PPP1R9A: variants seen among roughly 807,000 people sequenced by gnomAD.
The protein encoded by PPP1R9A is neurabin-1.
In PPP1R9A, 59 loss-of-function variants were observed where a neutral mutation model predicts 141.9. The observed-to-expected ratio is 0.42, with a 90% CI of 0.34 to 0.52. PPP1R9A has a LOEUF of 0.52. Among genes scored for constraint, PPP1R9A ranks in the 20% least tolerant of loss-of-function variants. PPP1R9A has a pLI of 0.10. For synonymous variants in PPP1R9A, 500 were observed against 569.7 expected (o/e 0.88, Z 1.74); for missense variants, 1,444 against 1,611.9 (o/e 0.90, Z 1.78).
At chr7:95,031,973 T>C (rs191289067) in intron 2 of PPP1R9A, among the ~76,000 whole-genome samples, 2 of 152,350 alleles carry the variant, frequency 1.3e-5, no homozygotes, top group Admixed American at 1.3e-4. Flanking sequence ...TTATTTCTAC[T>C]GTACCCTATC....
chr7:94,910,384 G>T lies in PPP1R9A; in HGVS notation c.271G>T (p.Gly91Cys), dbSNP rs748369962. The T allele has an allele frequency of 6.2e-7, 1 of 1,614,102 alleles. No homozygotes were observed. The highest frequency in any genetic ancestry group is 1.7e-5 in the Admixed American group (1 of 60,008). Residue 91 changes from glycine (G) to cysteine (C), a missense_variant, in exon 2 of 20, where the codon GGT becomes TGT. Around this residue, in one of 5 missense-constraint regions of PPP1R9A, gnomAD observed 490 missense variants for 521.1 expected, o/e 0.94. Transcript: ENST00000433360. The surrounding 1 kb of genome is among the most constrained non-coding windows in gnomAD (Gnocchi z 4.5). ...AGTCATTGCCAAAACAAGGGGGAAA[G>T]GTGGACATTCATCTCCTCAGAGAAG... is the stretch of plus-strand genomic sequence containing the variant. ...AAVIAKTRGK[G>C]GHSSPQRRMK...
chr7:95,018,107 T>C (rs985987932), intron 2 of PPP1R9A: 11 of 168,026 alleles, frequency 6.5e-5, no homozygotes, highest in African/African-American at 2.6e-4. Context: ...CATATTGGAA[T>C]GTGCAAACTT....
At chr7:95,063,422 C>T (rs757896945) in intron 2 of PPP1R9A, among the ~76,000 whole-genome samples, 46 of 152,002 alleles carry the variant, frequency 3.0e-4, no homozygotes, top group Middle Eastern at 6.8e-3. Context: ...AAAATTAGCT[C>T]GGTGTGGCAG....
chr7:95,202,078 A>G (rs1245575456), intron 6 of PPP1R9A, among the ~76,000 whole-genome samples: 1 of 152,218 alleles, frequency 6.6e-6, no homozygotes, highest in East Asian at 1.9e-4. Flanking sequence ...TCCTGAAATT[A>G]TAAACCTACA....
chr7:95,222,238 A>G (rs1197620143), intron 7 of PPP1R9A, among the ~76,000 whole-genome samples: 1 of 152,078 alleles, frequency 6.6e-6, no homozygotes, highest in Non-Finnish European at 1.5e-5. Flanking sequence ...GGATCATTAA[A>G]AAATATATTC....
chr7:95,085,347 A>G (rs1319563614), intron 2 of PPP1R9A, among the ~76,000 whole-genome samples: 1 of 151,054 alleles, frequency 6.6e-6, no homozygotes. Context: ...CGATTCTCCC[A>G]TCTCGGCCTC....
chr7:95,183,448 C>CTT (rs766642929), intron 5 of PPP1R9A, among the ~76,000 whole-genome samples: 27,146 of 102,910 alleles, frequency 0.26, 4,921 homozygotes, highest in Non-Finnish European at 0.36. Context: ...CAAAAATATT[C>CTT]TTTTTTTTTT....
chr7:95,071,679 AAAAG>A (rs1332533350), intron 2 of PPP1R9A, among the ~76,000 whole-genome samples: 4 of 151,996 alleles, frequency 2.6e-5, no homozygotes, highest in African/African-American at 4.8e-5. Flanking sequence ...GTTTTATTAT[AAAAG>A]AAAGAATATG....
At chr7:94,980,970 C>T (rs1488083561) in intron 2 of PPP1R9A, among the ~76,000 whole-genome samples, 1 of 152,106 alleles carries the variant, frequency 6.6e-6, no homozygotes, top group Non-Finnish European at 1.5e-5. Flanking sequence ...AACAAACAGG[C>T]CGTCCTTATC....
chr7:95,011,507 TGTAA>T (rs1317923283), intron 2 of PPP1R9A, among the ~76,000 whole-genome samples: 1 of 152,238 alleles, frequency 6.6e-6, no homozygotes, highest in Non-Finnish European at 1.5e-5. Flanking sequence ...TTATTTTCTC[TGTAA>T]GTGATTCCTT....
chr7:95,120,517 C>T (rs547698394), intron 3 of PPP1R9A, among the ~76,000 whole-genome samples, 195 bp from the exon 4 acceptor site: 2 of 152,314 alleles, frequency 1.3e-5, no homozygotes, highest in Admixed American at 1.3e-4. Flanking sequence ...ATGCTAAATG[C>T]ATGAGCCTTT....
At chr7:95,014,174 A>G (rs1462653558) in intron 2 of PPP1R9A, among the ~76,000 whole-genome samples, 1 of 152,074 alleles carries the variant, frequency 6.6e-6, no homozygotes, top group Non-Finnish European at 1.5e-5. Flanking sequence ...CTTTATTCAA[A>G]TTAGACCCGT....
chr7:94,934,986 A>G (rs1794613624), intron 2 of PPP1R9A, among the ~76,000 whole-genome samples: 1 of 152,092 alleles, frequency 6.6e-6, no homozygotes, highest in Non-Finnish European at 1.5e-5. Flanking sequence ...AAGCCTTCCT[A>G]GTAGCTTGGA....
chr7:95,139,529 C>G (rs1172521443), intron 4 of PPP1R9A, among the ~76,000 whole-genome samples: 1 of 152,126 alleles, frequency 6.6e-6, no homozygotes, highest in Non-Finnish European at 1.5e-5. Context: ...GGTGCAACTT[C>G]AGGAATCTGT....
intron 16 of PPP1R9A, among the ~76,000 whole-genome samples, chr7:95,279,438 A>C (rs1803759858): frequency 6.6e-6 from 1 of 152,174 alleles, no homozygotes; most frequent in Non-Finnish European, 1.5e-5. Context: ...TTTCATGGAG[A>C]CCTTTGAATA....
At chr7:95,015,237 C>CACACACACACAT (rs1169317140) in intron 2 of PPP1R9A, among the ~76,000 whole-genome samples, 3 of 148,448 alleles carry the variant, frequency 2.0e-5, no homozygotes, top group East Asian at 4.7e-4. Flanking sequence ...TACACACACA[C>CACACACACACAT]ACACACACAC....
intron 2 of PPP1R9A, among the ~76,000 whole-genome samples, chr7:95,084,848 C>T (rs374894555): frequency 5.9e-5 from 9 of 151,906 alleles, no homozygotes; most frequent in African/African-American, 2.2e-4. Flanking sequence ...GTTTATAATT[C>T]ATCACCATCG....
intron 2 of PPP1R9A, among the ~76,000 whole-genome samples, chr7:94,965,970 T>G (rs1270700284): frequency 6.6e-6 from 1 of 152,232 alleles, no homozygotes; most frequent in Non-Finnish European, 1.5e-5. Flanking sequence ...TGTTTTTCCA[T>G]TTGTTTGTGT....
At chr7:95,192,390 A>G (rs1041292664) in intron 5 of PPP1R9A, among the ~76,000 whole-genome samples, 2 of 152,004 alleles carry the variant, frequency 1.3e-5, no homozygotes, top group African/African-American at 2.4e-5. Context: ...CTGGATAGAT[A>G]GGAAATGGCA....
Sources: gnomAD v4.1 joint callset for allele counts (sites outside exome capture counted in the v4.1 genomes callset) on GRCh38, gnomAD v4.1.1 for gene constraint, gnomAD v4.1.1 regional missense constraint, Gnocchi (gnomAD v3.1) non-coding constraint, MANE v1.5 for transcripts, NCBI Gene and HGNC (gene_info 2026-07-23, HGNC 2026-07-21) for gene names.